The following SH3GL3 variants were observed in gnomAD, a reference collection of about 807,000 sequenced individuals.
SH3GL3 encodes the protein SH3 domain containing GRB2 like 3, endophilin A3.
Under a neutral mutation model 47.7 loss-of-function variants are expected in SH3GL3, and 33 were observed. That is an observed-to-expected ratio of 0.69 (90% CI 0.52 to 0.92). SH3GL3 has a LOEUF of 0.92. Ranked by LOEUF, SH3GL3 falls within the 40% of genes least tolerant of loss-of-function variation. The probability of loss-of-function intolerance (pLI) is 0.00; values close to 1 mark genes in which losing one functional copy is unlikely to be tolerated. For missense variants in SH3GL3, 363 were observed against 417.8 expected, an observed-to-expected ratio of 0.87 and a Z score of 1.14; for synonymous variants, 155 against 148.8, an observed-to-expected ratio of 1.04 and a Z score of -0.30.
At chr15:83,630,729 G>T in the SH3GL3 span, among the ~76,000 whole-genome samples, 1 of 152,022 alleles carries the variant, frequency 6.6e-6, no homozygotes, top group African/African-American at 2.4e-5. Context: ...CCTCCTACCC[G>T]GTCCCTCCCA....
At chr15:83,610,102 G>A (rs1346987044) in intron 8 of SH3GL3, among the ~76,000 whole-genome samples, 1 of 152,230 alleles carries the variant, frequency 6.6e-6, no homozygotes, top group African/African-American at 2.4e-5. Context: ...CTGGGGATCT[G>A]CGTAGGATTT....
At chr15:83,585,517 A>C (rs1184452888) in intron 6 of SH3GL3, among the ~76,000 whole-genome samples, 4 of 152,238 alleles carry the variant, frequency 2.6e-5, no homozygotes, top group African/African-American at 7.2e-5. Flanking sequence ...TTTGCCAAGC[A>C]CACCACTCTA....
intron 5 of SH3GL3, among the ~76,000 whole-genome samples, chr15:83,575,731 C>T (rs894950660): frequency 6.6e-6 from 1 of 152,164 alleles, no homozygotes; most frequent in Non-Finnish European, 1.5e-5. Context: ...GTGCTTCCTG[C>T]TAAAATGAAT....
At chr15:83,632,233 A>G in the SH3GL3 span, among the ~76,000 whole-genome samples, 2 of 152,196 alleles carry the variant, frequency 1.3e-5, no homozygotes, top group Non-Finnish European at 2.9e-5. Context: ...AAACTTTCCC[A>G]CATTTTCCTG....
chr15:83,554,238 A>G (rs1008988678), intron 1 of SH3GL3, among the ~76,000 whole-genome samples: 1 of 151,666 alleles, frequency 6.6e-6, no homozygotes, highest in Non-Finnish European at 1.5e-5. Context: ...CCCAGACTGG[A>G]GTGCAATGGC....
intron 1 of SH3GL3, among the ~76,000 whole-genome samples, chr15:83,449,834 T>C (rs999382992): frequency 2.0e-4 from 31 of 152,194 alleles, no homozygotes; most frequent in African/African-American, 7.2e-4. Context: ...ACTCAGTAGA[T>C]ATGTTTTAAT....
intron 8 of SH3GL3, chr15:83,611,720 G>A (rs1311778956): frequency 2.0e-5 from 3 of 152,262 alleles, no homozygotes; most frequent in Admixed American, 2.0e-4. Flanking sequence ...CTTTTCTTAC[G>A]AGACGTTTTC....
chr15:83,447,359 C>G lies in SH3GL3; in HGVS notation c.-175C>G, dbSNP rs779258584. 18 of 376,074 alleles carry G rather than the reference C, an allele frequency of 4.8e-5. No individual in the cohort carries two copies. Among genetic ancestry groups the G allele is most frequent in the Non-Finnish European group, 8.6e-5 (18 of 209,272 alleles). 23.3% of individuals were successfully genotyped at this position (376,074 alleles called of 1,614,324 possible). ...GGAACGCAGTGTTGCCATCGGCGTGCGCGCGTGTGTGCGAGTGTGACAGCG... is the reference window on the plus strand; with the variant it reads ...GGAACGCAGTGTTGCCATCGGCGTGGGCGCGTGTGTGCGAGTGTGACAGCG... On this transcript the variant is annotated 5_prime_UTR_variant, in exon 1 of 9. Coordinates refer to ENST00000427482, the MANE Select transcript of SH3GL3 (RefSeq NM_003027.5). The surrounding 1 kb of genome is among the most constrained non-coding windows in gnomAD (Gnocchi z 5.1).
At chr15:83,461,391 C>T (rs1230086345) in intron 1 of SH3GL3, among the ~76,000 whole-genome samples, 4 of 152,144 alleles carry the variant, frequency 2.6e-5, no homozygotes, top group Non-Finnish European at 4.4e-5. Context: ...CAGTTAATTA[C>T]ATGGGACTAA....
At chr15:83,610,961 G>A (rs2060644438) in intron 8 of SH3GL3, among the ~76,000 whole-genome samples, 1 of 149,866 alleles carries the variant, frequency 6.7e-6, no homozygotes, top group East Asian at 2.0e-4. Context: ...CTTTGCAGCA[G>A]CAGGGACTTC....
At chr15:83,460,007 TC>T (rs1567236100) in intron 1 of SH3GL3, among the ~76,000 whole-genome samples, 3 of 42,826 alleles carry the variant, frequency 7.0e-5, no homozygotes, top group African/African-American at 2.8e-4. Context: ...CCCTCTCCCC[TC>T]CCCTCCCGTC....
At position 83,479,358 on chromosome 15, in the gene SH3GL3, ATGT is replaced by A. The variant is rs111273388; in HGVS notation, c.45+31788_45+31790del. The stretch of plus-strand genomic sequence containing the variant: ...GTGTGTGTGTGTGTGTGTGGTGTTG[ATGT>A]TGTTGTTCTTGCAGTGATCCCGGGA... On this transcript the variant is annotated intron_variant, in intron 1 of 8. Coordinates refer to ENST00000427482, the MANE Select transcript of SH3GL3 (RefSeq NM_003027.5). 5.3e-4 allele frequency among the ~76,000 whole-genome samples: 80 copies of A among 151,882 alleles called. 1 individual carries two copies. Among genetic ancestry groups the A allele is most frequent in the African/African-American group, 1.8e-3 (73 of 41,422 alleles).
intron 2 of SH3GL3, among the ~76,000 whole-genome samples, chr15:83,563,982 T>C (rs1343331815): frequency 1.3e-5 from 2 of 152,202 alleles, no homozygotes; most frequent in African/African-American, 4.8e-5. Flanking sequence ...TAGAATATTA[T>C]GCCACTTTTG....
intron 2 of SH3GL3, among the ~76,000 whole-genome samples, chr15:83,562,075 ACACACACT>A (rs1424452813): frequency 4.0e-4 from 52 of 128,922 alleles, no homozygotes; most frequent in Middle Eastern, 3.8e-3. Context: ...ACACACACAC[ACACACACT>A]ATAGTGTCCC....
At chr15:83,632,505 A>C in the SH3GL3 span, among the ~76,000 whole-genome samples, 2 of 152,234 alleles carry the variant, frequency 1.3e-5, no homozygotes, top group Non-Finnish European at 2.9e-5. Context: ...CAGAGACTGG[A>C]TAATTTATAA....
At chr15:83,560,901 A>G (rs1309121091) in intron 2 of SH3GL3, among the ~76,000 whole-genome samples, 1 of 152,206 alleles carries the variant, frequency 6.6e-6, no homozygotes, top group Admixed American at 6.5e-5. Flanking sequence ...AAGCTTTTTA[A>G]TTATAAAAAG....
chr15:83,569,972 A>G (rs141944042), intron 4 of SH3GL3, among the ~76,000 whole-genome samples: 9 of 152,296 alleles, frequency 5.9e-5, no homozygotes, highest in Non-Finnish European at 7.3e-5. Context: ...GACCTTGTAT[A>G]TGAAGGTCAT....
chr15:83,534,525 C>G (rs189083410), intron 1 of SH3GL3, among the ~76,000 whole-genome samples: 31 of 152,042 alleles, frequency 2.0e-4, no homozygotes, highest in Non-Finnish European at 3.8e-4. Flanking sequence ...ACAGGGGCTC[C>G]CTACAGACCA....
At position 83,483,998 on chromosome 15, in the gene SH3GL3, G is replaced by C. The variant is rs527650484; in HGVS notation, c.45+36420G>C. ...AGAAAAGAACTGAGATCTGTGTTTT[G>C]AATCAAGAGCCTATTGTCATCTTTC... On this transcript the variant is annotated intron_variant, in intron 1 of 8. Transcript: ENST00000427482. Among the ~76,000 whole-genome samples the C allele has an allele frequency of 2.6e-5, 4 of 152,304 alleles. No homozygotes were observed. In the South Asian group the frequency reaches 8.3e-4, roughly 32 times the overall value.
Sources: gnomAD v4.1 joint callset for allele counts (sites outside exome capture counted in the v4.1 genomes callset) on GRCh38, gnomAD v4.1.1 for gene constraint, Gnocchi (gnomAD v3.1) non-coding constraint, MANE v1.5 for transcripts, NCBI Gene and HGNC (gene_info 2026-07-23, HGNC 2026-07-21) for gene names.